The following EML6 variants were observed in gnomAD, a reference collection of about 807,000 sequenced individuals.
The protein encoded by EML6 is echinoderm microtubule-associated protein-like 6.
A neutral mutation model predicts 240.1 loss-of-function variants in EML6; 154 were observed. The observed-to-expected ratio is 0.64, with a 90% CI of 0.56 to 0.73. The LOEUF is 0.73. Among genes scored for constraint, EML6 ranks in the 30% least tolerant of loss-of-function variants. The probability of loss-of-function intolerance (pLI) is 0.00; values close to 1 mark genes in which losing one functional copy is unlikely to be tolerated. For missense variants in EML6, 2,964 were observed against 2,474.6 expected (o/e 1.20, Z -4.20); for synonymous variants, 1,148 against 899.0 (o/e 1.28, Z -4.95).
rs1684350196 is a variant in EML6 at position 54,755,272 on chromosome 2, A to G, written c.197+30014A>G. 5.9e-5 allele frequency among the ~76,000 whole-genome samples: 9 copies of G among 152,310 alleles called. No homozygotes were observed. In the South Asian group the frequency reaches 1.9e-3, roughly 32 times the overall value. ...GACGCCACGCTGTTTTAATTACTGC[A>G]GTTTGAACTCTGAGAATATAACCTC... On this transcript the variant is annotated intron_variant, in intron 2 of 41. Coordinates refer to ENST00000356458, the MANE Select transcript of EML6 (RefSeq NM_001039753.4).
rs544573577 is a variant in EML6, at chr2:54,821,270, G to T, written c.525+808G>T. Among the ~76,000 whole-genome samples, 4 of 152,102 alleles carry T rather than the reference G, an allele frequency of 2.6e-5. No homozygotes were observed. In the South Asian group the frequency reaches 8.3e-4, roughly 32 times the overall value. On this transcript the variant is annotated intron_variant, in intron 5 of 41. Transcript: ENST00000356458. ...CAGTTCTTTTAGTCTAGTTTTTCAC[G>T]ATCCTTCCCATTAGTCTTACTTGGT... is the stretch of plus-strand genomic sequence containing the variant.
chr2:54,794,104 AT>A lies in EML6; in HGVS notation c.198-19127del, dbSNP rs537156813. ...CCATATATTATCTCAAATAAATCTT[AT>A]CCCAGTGAAGTAAGTTGTGTTATTA... On this transcript the variant is annotated intron_variant, in intron 2 of 41. Coordinates refer to ENST00000356458, the MANE Select transcript of EML6 (RefSeq NM_001039753.4). Among the ~76,000 whole-genome samples the A allele has an allele frequency of 2.6e-3, 390 of 152,298 alleles. 3 individuals carry two copies. The highest frequency in any genetic ancestry group is 8.8e-3 in the African/African-American group (367 of 41,582).
At chr2:54,811,839 C>T (rs1667863674) in intron 2 of EML6, among the ~76,000 whole-genome samples, 1 of 152,120 alleles carries the variant, frequency 6.6e-6, no homozygotes, top group Admixed American at 6.5e-5. Context: ...AATCTCTCAC[C>T]AACTGAATGC....
chr2:54,866,991 C>T, intron 14 of EML6, 107 bp downstream of exon 14: 2 of 618,332 alleles, frequency 3.2e-6, no homozygotes, highest in Non-Finnish European at 5.8e-6. Flanking sequence ...TGTCGTCCTC[C>T]TCCTGGCTAG....
At chr2:54,932,456 G>C (rs1254638312) in intron 28 of EML6, among the ~76,000 whole-genome samples, 1 of 152,138 alleles carries the variant, frequency 6.6e-6, no homozygotes, top group Non-Finnish European at 1.5e-5. Context: ...CGCTAATTCT[G>C]GTCTAGAGGA....
Position 54,768,126 on chromosome 2 carries a change from C to CTG in EML6, c.197+42870_197+42871dup, listed in dbSNP as rs1284977173. ...AGGCTACCTCCTCATTGGTGATATC[C>CTG]TGTTTCAGTTCTCATTATAGTTCTA... On this transcript the variant is annotated intron_variant, in intron 2 of 41. Coordinates refer to ENST00000356458, the MANE Select transcript of EML6 (RefSeq NM_001039753.4). 4.6e-5 allele frequency among the ~76,000 whole-genome samples: 7 copies of CTG among 152,136 alleles called. No homozygotes were observed. In the East Asian group the frequency reaches 1.2e-3, roughly 25 times the overall value.
At position 54,958,112 on chromosome 2, in the gene EML6, T is replaced by G. The variant is rs1057160982; in HGVS notation, c.4695+114T>G. The stretch of plus-strand genomic sequence containing the variant: ...GGCTGAAAACAGCAGGAAAGCCATT[T>G]CCACATTCGCTCCTGTACTGGCTTA... On this transcript the variant is annotated intron_variant, in intron 33 of 41. Coordinates refer to ENST00000356458, the MANE Select transcript of EML6 (RefSeq NM_001039753.4). 5 of 884,944 alleles carry G rather than the reference T, an allele frequency of 5.7e-6. No homozygotes were observed. The African/African-American group carries it at 8.4e-5, about 15-fold the overall frequency. The allele number at this position is 884,944 out of a possible 1,614,324, so 54.8% of individuals were successfully genotyped here. A position where few individuals can be genotyped will look rare whatever the true frequency, so the allele number is the denominator to read the frequency against.
At chr2:54,917,652 C>A (rs929070017) in intron 26 of EML6, among the ~76,000 whole-genome samples, 1 of 152,152 alleles carries the variant, frequency 6.6e-6, no homozygotes, top group Non-Finnish European at 1.5e-5. Context: ...TGAGCCACTG[C>A]GCCTGGCCTC....
intron 2 of EML6, among the ~76,000 whole-genome samples, chr2:54,792,836 A>G (rs1471156462): frequency 6.6e-6 from 1 of 152,266 alleles, no homozygotes; most frequent in Non-Finnish European, 1.5e-5. Context: ...GATTTCTAAA[A>G]AGATGTTATG....
intron 17 of EML6, among the ~76,000 whole-genome samples, chr2:54,889,289 C>G (rs1672327648): frequency 6.6e-6 from 1 of 151,908 alleles, no homozygotes; most frequent in African/African-American, 2.4e-5. Context: ...GCTTATTCTT[C>G]CATGAGAGCT....
intron 2 of EML6, among the ~76,000 whole-genome samples, chr2:54,727,288 T>C (rs944030829): frequency 6.7e-6 from 1 of 149,668 alleles, no homozygotes; most frequent in Non-Finnish European, 1.5e-5. Context: ...TCCACAATAT[T>C]TGGTTGGGTC....
rs937709192 is a variant in EML6 at position 54,863,707 on chromosome 2, A to G, written c.1826-76A>G. 1.1e-5 allele frequency: 8 copies of G among 743,290 alleles called. No individual in the cohort carries two copies. The African/African-American group carries it at 1.4e-4, about 13-fold the overall frequency. The allele number at this position is 743,290 out of a possible 1,614,324, so 46.0% of individuals were successfully genotyped here. A position where few individuals can be genotyped will look rare whatever the true frequency, so the allele number is the denominator to read the frequency against. On this transcript the variant is annotated intron_variant, in intron 12 of 41. Transcript: ENST00000356458. ...TTATTTACTTTGCTAGGATAAAAGG[A>G]AAAATATTTTAGATAATTTCAGTTG...
intron 2 of EML6, among the ~76,000 whole-genome samples, chr2:54,758,652 A>T (rs551290673): frequency 6.6e-6 from 1 of 152,100 alleles, no homozygotes; most frequent in Non-Finnish European, 1.5e-5. Flanking sequence ...CTTGTGACTG[A>T]TTCTGGAAGA....
At chr2:54,911,843 T>C (rs1673659529) in intron 25 of EML6, among the ~76,000 whole-genome samples, 1 of 152,248 alleles carries the variant, frequency 6.6e-6, no homozygotes. Flanking sequence ...ACATACACGA[T>C]TTTTTAGTTG....
intron 26 of EML6, among the ~76,000 whole-genome samples, chr2:54,926,587 A>C (rs1674558821): frequency 6.6e-6 from 1 of 152,196 alleles, no homozygotes; most frequent in African/African-American, 2.4e-5. Flanking sequence ...GCCGGGAACC[A>C]CTATACATCC....
intron 2 of EML6, among the ~76,000 whole-genome samples, chr2:54,731,420 G>A (rs752100919): frequency 3.9e-5 from 6 of 152,218 alleles, no homozygotes; most frequent in Non-Finnish European, 8.8e-5. Context: ...TGGGAGGATC[G>A]TTTGAGCCTG....
At chr2:54,843,873 A>G (rs888926713) in intron 7 of EML6, among the ~76,000 whole-genome samples, 174 bp from the exon 8 acceptor site, 10 of 147,760 alleles carry the variant, frequency 6.8e-5, no homozygotes, top group Non-Finnish European at 1.3e-4. Flanking sequence ...AGCACAAAGA[A>G]TGGTGGCAGA....
intron 29 of EML6, among the ~76,000 whole-genome samples, chr2:54,949,278 A>T (rs1417985927): frequency 2.0e-5 from 3 of 152,094 alleles, no homozygotes; most frequent in African/African-American, 7.3e-5. Flanking sequence ...CATCCCTTCC[A>T]TGGAGAAGAA....
chr2:54,915,755 C>T (rs1673875876), intron 25 of EML6, among the ~76,000 whole-genome samples: 1 of 152,064 alleles, frequency 6.6e-6, no homozygotes, highest in African/African-American at 2.4e-5. Flanking sequence ...AGGCAGGGTA[C>T]ATTAGCAGCG....
Sources: allele counts gnomAD v4.1 joint callset (sites outside exome capture counted in the v4.1 genomes callset), GRCh38; gene constraint gnomAD v4.1.1; transcripts MANE v1.5; gene names NCBI Gene and HGNC (gene_info 2026-07-23, HGNC 2026-07-21).